Variants in SMC6 observed in about 807,000 individuals in gnomAD.
SMC6 encodes structural maintenance of chromosomes protein 6.
Under a neutral mutation model 142.2 loss-of-function variants are expected in SMC6, and 79 were observed. The ratio of observed to expected loss-of-function variants is 0.56; its 90% confidence interval spans 0.46 to 0.67. The LOEUF is 0.67. Ranked by LOEUF, SMC6 falls within the 30% of genes least tolerant of loss-of-function variation. The pLI is 0.00. For synonymous variants in SMC6, 411 were observed against 412.4 expected (o/e 1.00, Z 0.04); for missense variants, 1,072 against 1,284.0 (o/e 0.83, Z 2.52).
intron 12 of SMC6, 56 bp downstream of exon 12, chr2:17,718,021 A>G (rs1468695846): frequency 6.7e-7 from 1 of 1,496,898 alleles, no homozygotes; most frequent in Non-Finnish European, 9.0e-7. Context: ...ATAGAAGAAC[A>G]GCCTTTATAT....
chr2:17,738,484 A>T (rs1352772999), intron 4 of SMC6, among the ~76,000 whole-genome samples, 158 bp from the exon 5 acceptor site: 2 of 151,688 alleles, frequency 1.3e-5, no homozygotes. Context: ...GCAACAACTT[A>T]AAAAAAAAGT....
At chr2:17,730,398 GA>G (rs199786807) in intron 7 of SMC6, among the ~76,000 whole-genome samples, 2,970 of 107,872 alleles carry the variant, frequency 0.028, 55 homozygotes, top group African/African-American at 0.066. Flanking sequence ...CACTCATCCA[GA>G]AAAAAAAAAA....
intron 17 of SMC6, among the ~76,000 whole-genome samples, chr2:17,707,591 T>C (rs1284783761): frequency 6.6e-6 from 1 of 152,116 alleles, no homozygotes; most frequent in Non-Finnish European, 1.5e-5. Context: ...TAAAACAGTT[T>C]AGTAAACAAT....
chr2:17,690,756 A>G (rs1667667881), intron 23 of SMC6, among the ~76,000 whole-genome samples: 1 of 152,162 alleles, frequency 6.6e-6, no homozygotes, highest in African/African-American at 2.4e-5. Context: ...AAGATGTTCA[A>G]CTTCACTCAA....
At chr2:17,746,099 T>G in intron 2 of SMC6, 148 bp from the exon 3 acceptor site, 1 of 788,386 alleles carries the variant, frequency 1.3e-6, no homozygotes, top group Non-Finnish European at 1.8e-6. Context: ...GTCTTGCATC[T>G]TGCACTAAGG....
At chr2:17,701,963 A>G in intron 19 of SMC6, 54 bp from the exon 20 acceptor site, 1 of 943,044 alleles carries the variant, frequency 1.1e-6, no homozygotes, top group Non-Finnish European at 1.6e-6. Flanking sequence ...TAAACCGAAA[A>G]CCTTGGAAAG....
At chr2:17,693,558 G>A (rs940569031) in intron 23 of SMC6, among the ~76,000 whole-genome samples, 2 of 151,980 alleles carry the variant, frequency 1.3e-5, no homozygotes, top group African/African-American at 4.8e-5. Context: ...GGTGGGGGGA[G>A]GGACAGCATT....
chr2:17,666,820 CAA>C (rs11295692), intron 26 of SMC6, among the ~76,000 whole-genome samples: 176 of 144,406 alleles, frequency 1.2e-3, no homozygotes, highest in Middle Eastern at 3.6e-3. Flanking sequence ...CTGTCTCTAC[CAA>C]AAAAAAAAAA....
At chr2:17,667,960 C>T (rs1666577821) in intron 26 of SMC6, among the ~76,000 whole-genome samples, 2 of 152,274 alleles carry the variant, frequency 1.3e-5, no homozygotes, top group African/African-American at 4.8e-5. Flanking sequence ...GGCTATATTG[C>T]TCAATGGCTC....
chr2:17,753,528 GCCT>G (rs1671205410), intron 1 of SMC6, 95 bp downstream of exon 1: 1 of 152,282 alleles, frequency 6.6e-6, no homozygotes, highest in Non-Finnish European at 1.5e-5. Flanking sequence ...AGCTGACCCT[GCCT>G]CTCCCGGGTG....
Position 17,741,661 on chromosome 2 carries a change from T to C in SMC6, c.189A>G (p.Gly63=). 6.2e-7 allele frequency: 1 copy of C among 1,612,358 alleles called. No individual in the cohort carries two copies. The highest frequency in any genetic ancestry group is 8.5e-7 in the Non-Finnish European group (1 of 1,179,394). ...TGACATTAGAACCAAACTTAAAAGG[T>C]CCAAGCATTGAATGACACATGAAGT... is the stretch of plus-strand genomic sequence containing the variant. ...LKNFMCHSML[G]PFKFGSNVNF... The change falls in exon 4 of 28, where the codon GGA becomes GGG. Residue 63 remains glycine (G), a synonymous_variant. Coordinates refer to ENST00000448223, the MANE Select transcript of SMC6 (RefSeq NM_001142286.2).
At chr2:17,701,941 T>C (rs1558345999) in intron 19 of SMC6, 32 bp from the exon 20 acceptor site, 8 of 1,195,796 alleles carry the variant, frequency 6.7e-6, no homozygotes, top group Non-Finnish European at 3.5e-6. Flanking sequence ...TTTAGTAACA[T>C]AAAAAAAAAT....
chr2:17,726,729 T>A (rs1332350360), intron 7 of SMC6, among the ~76,000 whole-genome samples: 1 of 152,224 alleles, frequency 6.6e-6, no homozygotes, highest in African/African-American at 2.4e-5. Flanking sequence ...GGCACAAGCA[T>A]AAGAACCCTG....
At chr2:17,707,997 TACACACACACAC>T (rs10540609) in intron 17 of SMC6, among the ~76,000 whole-genome samples, 2 of 148,504 alleles carry the variant, frequency 1.3e-5, no homozygotes, top group East Asian at 2.0e-4. Flanking sequence ...TGTATATATA[TACACACACACAC>T]ACACACACAC....
intron 2 of SMC6, 63 bp downstream of exon 2, chr2:17,752,915 C>G (rs538316425): frequency 1.6e-6 from 1 of 621,602 alleles, no homozygotes; most frequent in Non-Finnish European, 2.0e-6. Flanking sequence ...TAAGCGCTCA[C>G]AAAACTTCTG....
Position 17,717,099 on chromosome 2 carries a change from C to T in SMC6, c.1170G>A (p.Glu390=). 6.2e-7 allele frequency: 1 copy of T among 1,607,476 alleles called. No homozygotes were observed. Among genetic ancestry groups the T allele is most frequent in the Non-Finnish European group, 8.5e-7 (1 of 1,178,224 alleles). Residue 390 remains glutamate, a synonymous_variant, in exon 13 of 28, where the codon GAG becomes GAA. Coordinates refer to ENST00000448223, the MANE Select transcript of SMC6 (RefSeq NM_001142286.2). ...AGTAACTACCCTACCTTTTTTTCAG[C>T]TCTTCAATTCGTTTACAAAGCTGCT... ...DDEQLCKRIE[E]LKKSTDQSLE...
chr2:17,701,916 G>GA lies in SMC6; in HGVS notation c.2143-8dup, dbSNP rs767493171. 1 of 1,462,832 alleles carries GA rather than the reference G, an allele frequency of 6.8e-7. No individual in the cohort carries two copies. Among genetic ancestry groups the GA allele is most frequent in the Admixed American group, 2.0e-5 (1 of 50,736 alleles). The allele number at this position is 1,462,832 out of a possible 1,614,324, so 90.6% of individuals were successfully genotyped here. On this transcript the variant is annotated splice_region_variant and splice_polypyrimidine_tract_variant and intron_variant, in intron 19 of 27. Transcript: ENST00000448223. ...TATTTTTTCTTATTTTCATCTAAAA[G>GA]AAAAGTATTTGGATTTTAGTAACAT...
rs113565218 is a variant in SMC6, at chr2:17,743,310, T to C, written c.121-1581A>G. On this transcript the variant is annotated intron_variant, in intron 3 of 27. Transcript: ENST00000448223. Reference sequence around the variant, plus strand: ...GAGCTGTCTAATCCGTGAGTAAGTATGTGTCTCCATTTATTCAGGTATTCT... The same window carrying C: ...GAGCTGTCTAATCCGTGAGTAAGTACGTGTCTCCATTTATTCAGGTATTCT... 1.7e-4 allele frequency among the ~76,000 whole-genome samples: 26 copies of C among 152,332 alleles called. 1 individual carries two copies. Among genetic ancestry groups the C allele is most frequent in the African/African-American group, 6.3e-4 (26 of 41,586 alleles).
chr2:17,743,154 T>G (rs1670561423), intron 3 of SMC6, among the ~76,000 whole-genome samples: 1 of 152,216 alleles, frequency 6.6e-6, no homozygotes, highest in Non-Finnish European at 1.5e-5. Flanking sequence ...GTATATTTAC[T>G]AGTTCCTTTG....
Sources: gnomAD v4.1 joint callset for allele counts (sites outside exome capture counted in the v4.1 genomes callset) on GRCh38, gnomAD v4.1.1 for gene constraint, MANE v1.5 for transcripts, NCBI Gene and HGNC (gene_info 2026-07-23, HGNC 2026-07-21) for gene names.